Variants in DMD observed in about 807,000 individuals in gnomAD.
The protein encoded by DMD is dystrophin.
A neutral mutation model predicts 330.1 loss-of-function variants in DMD; 63 were observed. That is an observed-to-expected ratio of 0.19 (90% CI 0.16 to 0.24). The LOEUF is 0.24. DMD is among the 10% of genes least tolerant of loss of function. The pLI is 1.00. For synonymous variants in DMD, 1,223 were observed against 959.8 expected (o/e 1.27, Z -5.07); for missense variants, 3,344 against 2,684.1 (o/e 1.25, Z -5.43).
chrX:32,183,571 A>ATATATATATAT (rs2096934749), intron 44 of DMD, among the ~76,000 whole-genome samples: 51 of 95,102 alleles, frequency 5.4e-4, no homozygotes, highest in African/African-American at 1.8e-3. Flanking sequence ...TATATATATA[A>ATATATATATAT]ATATATATAT....
intron 60 of DMD, among the ~76,000 whole-genome samples, chrX:31,421,982 TATATGTATATATACACACAC>T: frequency 1.4e-5 from 1 of 73,240 alleles, no homozygotes; most frequent in African/African-American, 8.0e-5. Context: ...TACACATATA[TATATGTATATATACACACAC>T]ATATATATAT....
intron 52 of DMD, among the ~76,000 whole-genome samples, chrX:31,720,956 A>G (rs917843597): frequency 6.3e-5 from 7 of 111,953 alleles, no homozygotes; most frequent in African/African-American, 2.3e-4. Context: ...GAAAAATGGA[A>G]AACATTCATT....
intron 62 of DMD, 97 bp downstream of exon 62, chrX:31,323,501 G>T: frequency 1.4e-6 from 1 of 724,915 alleles, no homozygotes; most frequent in Non-Finnish European, 2.1e-6. Flanking sequence ...GGTATTGTAG[G>T]CCAGGCTAAT....
intron 2 of DMD, among the ~76,000 whole-genome samples, chrX:32,933,328 T>C (rs1286069775): frequency 9.0e-6 from 1 of 111,395 alleles, no homozygotes; most frequent in African/African-American, 3.3e-5. Flanking sequence ...TTTATAATCC[T>C]TACACTTGCC....
chrX:32,951,893 G>C (rs1419350341), intron 2 of DMD, among the ~76,000 whole-genome samples: 3 of 111,328 alleles, frequency 2.7e-5, no homozygotes, highest in Non-Finnish European at 5.6e-5. Context: ...CGCAAATAAA[G>C]ATACTAAGCC....
intron 44 of DMD, among the ~76,000 whole-genome samples, chrX:32,065,664 A>G (rs971450616): frequency 4.5e-5 from 5 of 112,169 alleles, no homozygotes; most frequent in Admixed American, 9.5e-5. Context: ...TGGACTGTAC[A>G]GAAGTATAAC....
chrX:31,926,939 C>T (rs1038534957), intron 47 of DMD, among the ~76,000 whole-genome samples: 3 of 111,134 alleles, frequency 2.7e-5, no homozygotes, highest in South Asian at 7.6e-4. Flanking sequence ...GGAGGGGGTC[C>T]GCTTTATTTC....
At chrX:32,670,429 A>G (rs1956381301) in intron 9 of DMD, among the ~76,000 whole-genome samples, 1 of 112,001 alleles carries the variant, frequency 8.9e-6, no homozygotes, top group South Asian at 3.7e-4. Context: ...GGAATTCAAG[A>G]TGCCTAGGTC....
At chrX:33,191,329 A>T (rs1296859496) in intron 1 of DMD, among the ~76,000 whole-genome samples, 1 of 109,248 alleles carries the variant, frequency 9.2e-6, no homozygotes, top group East Asian at 2.9e-4. Context: ...TCATCTAACA[A>T]ATAGATCTGA....
At chrX:31,637,888 C>A (rs1340240281) in intron 54 of DMD, among the ~76,000 whole-genome samples, 3 of 111,392 alleles carry the variant, frequency 2.7e-5, no homozygotes, top group Admixed American at 9.6e-5. Context: ...TGAGAATGAG[C>A]AATTCTGTGC....
intron 59 of DMD, among the ~76,000 whole-genome samples, chrX:31,466,371 A>C (rs1002899616): frequency 3.6e-5 from 4 of 112,107 alleles, no homozygotes; most frequent in African/African-American, 1.3e-4. Context: ...GTCCAGTTTC[A>C]GTTTTCTGTA....
rs373703618 is a variant in DMD, at chrX:31,206,574, C to T, written c.9649+8G>A. ...TAAAAGAATACAGCATTAATATACA[C>T]GACTTACATCTGTACTTGTCTTCCA... On this transcript the variant is annotated splice_region_variant and intron_variant, in intron 66 of 78. Transcript: ENST00000357033. The T allele has an allele frequency of 4.5e-5, 54 of 1,194,924 alleles. No homozygotes were observed. Among genetic ancestry groups the T allele is most frequent in the African/African-American group, 3.3e-4 (19 of 57,055 alleles).
chrX:32,972,819 C>A (rs1245621644), intron 2 of DMD, among the ~76,000 whole-genome samples: 1 of 111,580 alleles, frequency 9.0e-6, no homozygotes, highest in Non-Finnish European at 1.9e-5. Flanking sequence ...GAATTTAATG[C>A]CTGATTATAA....
At chrX:31,340,942 CGTTA>C (rs1267162860) in intron 61 of DMD, among the ~76,000 whole-genome samples, 3 of 111,969 alleles carry the variant, frequency 2.7e-5, no homozygotes, top group Non-Finnish European at 5.6e-5. Context: ...ATTTATCACT[CGTTA>C]GTTATACAAA....
chrX:31,551,217 T>G (rs1367522494), intron 55 of DMD, among the ~76,000 whole-genome samples: 1 of 107,743 alleles, frequency 9.3e-6, no homozygotes, highest in African/African-American at 3.4e-5. Context: ...ATTGAGTAGA[T>G]TACTAATCTG....
chrX:32,567,375 G>A (rs1207190379), intron 15 of DMD, among the ~76,000 whole-genome samples: 3 of 111,761 alleles, frequency 2.7e-5, no homozygotes, highest in African/African-American at 9.8e-5. Flanking sequence ...CTCACGGTGT[G>A]GGGGTTTAGC....
chrX:31,763,686 C>A (rs893126592), intron 51 of DMD, among the ~76,000 whole-genome samples: 1 of 111,901 alleles, frequency 8.9e-6, no homozygotes, highest in African/African-American at 3.2e-5. Flanking sequence ...TGTGACATAC[C>A]AGTCAACTAT....
At chrX:31,834,734 C>T (rs764680780) in intron 49 of DMD, among the ~76,000 whole-genome samples, 1 of 111,697 alleles carries the variant, frequency 9.0e-6, no homozygotes, top group East Asian at 2.8e-4. Flanking sequence ...GCCACCATGC[C>T]CAGCCAACTT....
At chrX:31,251,477 C>T (rs755717415) in intron 63 of DMD, among the ~76,000 whole-genome samples, 5 of 111,874 alleles carry the variant, frequency 4.5e-5, no homozygotes, top group Non-Finnish European at 7.5e-5. Context: ...GTTATGCAAG[C>T]GATGAACGCT....
Sources: allele counts gnomAD v4.1 joint callset (sites outside exome capture counted in the v4.1 genomes callset), GRCh38; gene constraint gnomAD v4.1.1; transcripts MANE v1.5; gene names NCBI Gene and HGNC (gene_info 2026-07-23, HGNC 2026-07-21).